The following MINDY4 variants were observed in gnomAD, a reference collection of about 807,000 sequenced individuals.
MINDY4 encodes MINDY lysine 48 deubiquitinase 4.
MINDY4 carries 68 observed loss-of-function variants against 87.0 expected under a neutral mutation model. The observed-to-expected ratio is 0.78, with a 90% CI of 0.64 to 0.96. The LOEUF is 0.96. Among genes scored for constraint, MINDY4 ranks in the 40% least tolerant of loss-of-function variants. The probability of loss-of-function intolerance (pLI) is 0.00; values close to 1 mark genes in which losing one functional copy is unlikely to be tolerated. For synonymous variants in MINDY4, 379 were observed against 363.2 expected (o/e 1.04, Z -0.50); for missense variants, 919 against 928.2 (o/e 0.99, Z 0.13).
intron 5 of MINDY4, among the ~76,000 whole-genome samples, chr7:30,821,947 T>C (rs1243112313): frequency 6.6e-6 from 1 of 152,164 alleles, no homozygotes; most frequent in Non-Finnish European, 1.5e-5. Flanking sequence ...AATTCAGCAA[T>C]TGGTATGATT....
At chr7:30,822,708 C>T (rs1039627035) in intron 5 of MINDY4, among the ~76,000 whole-genome samples, 1 of 151,706 alleles carries the variant, frequency 6.6e-6, no homozygotes, top group South Asian at 2.1e-4. Flanking sequence ...GACCACAGCT[C>T]ACTGCAGTCT....
At chr7:30,819,674 G>A (rs903525581) in intron 5 of MINDY4, among the ~76,000 whole-genome samples, 2 of 152,076 alleles carry the variant, frequency 1.3e-5, no homozygotes, top group Admixed American at 1.3e-4. Flanking sequence ...TAGGAGCATA[G>A]AGTTTCATGA....
chr7:30,850,630 T>C (rs1475858839), intron 10 of MINDY4, 75 bp downstream of exon 10: 40 of 1,352,238 alleles, frequency 3.0e-5, no homozygotes, highest in African/African-American at 4.4e-5. Flanking sequence ...CTGTGTATGC[T>C]CCTATCCTTG....
rs373920173 is a variant in MINDY4 at position 30,839,222 on chromosome 7, G to C, written c.1262G>C (p.Gly421Ala). The change falls in exon 8 of 18, where the codon GGT becomes GCT. Residue 421 changes from glycine (G) to alanine (A), a missense_variant. Physicochemically the swap from Gly to Ala is moderately conservative, Grantham distance 60 (BLOSUM62 0). Transcript: ENST00000265299. ...TAGGAAATAAAGACCCTTCTGTTTGGTTCCAGCTTTTGCTGTTTCAATGAA... is the reference window on the plus strand; with the variant it reads ...TAGGAAATAAAGACCCTTCTGTTTGCTTCCAGCTTTTGCTGTTTCAATGAA... ...VAKEIKTLLFGSSFCCFNEEW... is the reference protein window; with the variant it reads ...VAKEIKTLLFASSFCCFNEEW... The C allele has an allele frequency of 2.9e-5, 46 of 1,608,736 alleles. No individual in the cohort carries two copies. Among genetic ancestry groups the C allele is most frequent in the Non-Finnish European group, 3.8e-5 (45 of 1,178,406 alleles).
chr7:30,805,480 C>T (rs1787775489), intron 5 of MINDY4, among the ~76,000 whole-genome samples: 2 of 152,154 alleles, frequency 1.3e-5, no homozygotes, highest in Admixed American at 1.3e-4. Context: ...GTGGACATTG[C>T]CAAGGTCAGT....
chr7:30,857,258 G>A (rs537004524), intron 12 of MINDY4, among the ~76,000 whole-genome samples: 1 of 152,236 alleles, frequency 6.6e-6, no homozygotes, highest in African/African-American at 2.4e-5. Context: ...TTAGGTTTCT[G>A]TTCAGACATC....
At chr7:30,825,892 T>C (rs765829198) in intron 5 of MINDY4, among the ~76,000 whole-genome samples, 3 of 152,238 alleles carry the variant, frequency 2.0e-5, no homozygotes, top group Non-Finnish European at 4.4e-5. Context: ...AGGGCTGAAT[T>C]TCCACTGAGC....
intron 13 of MINDY4, among the ~76,000 whole-genome samples, chr7:30,865,970 A>G (rs1004159717): frequency 1.3e-5 from 2 of 152,204 alleles, no homozygotes; most frequent in African/African-American, 2.4e-5. Context: ...GTGCTTGACT[A>G]CCTGCTGTCC....
chr7:30,852,587 T>C (rs979879854), intron 11 of MINDY4, among the ~76,000 whole-genome samples: 1 of 150,576 alleles, frequency 6.6e-6, no homozygotes, highest in African/African-American at 2.4e-5. Flanking sequence ...TCTTCCTCTT[T>C]CTTTAGCATC....
chr7:30,853,029 A>G (rs1031882892), intron 11 of MINDY4, among the ~76,000 whole-genome samples: 2 of 152,088 alleles, frequency 1.3e-5, no homozygotes, highest in Non-Finnish European at 2.9e-5. Flanking sequence ...GGCTATTGTG[A>G]TTTGGATATG....
intron 17 of MINDY4, 35 bp downstream of exon 17, chr7:30,883,028 C>T (rs1340933489): frequency 4.4e-6 from 7 of 1,603,422 alleles, no homozygotes; most frequent in South Asian, 1.1e-5. Flanking sequence ...TGAGCCTCAC[C>T]CTGAATAGCT....
chr7:30,852,459 C>T (rs1789441721), intron 11 of MINDY4, 180 bp downstream of exon 11: 1 of 743,970 alleles, frequency 1.3e-6, no homozygotes, highest in Non-Finnish European at 1.6e-6. Flanking sequence ...GGATGGGCTC[C>T]TGCTAGAGCT....
chr7:30,863,355 G>A (rs1789826346), intron 13 of MINDY4, among the ~76,000 whole-genome samples: 1 of 152,230 alleles, frequency 6.6e-6, no homozygotes. Flanking sequence ...TCGTGGTGGT[G>A]TGATAGTGTG....
chr7:30,870,479 G>A (rs1177286516), intron 13 of MINDY4, among the ~76,000 whole-genome samples: 2 of 152,226 alleles, frequency 1.3e-5, no homozygotes. Flanking sequence ...TGTGGTGGGT[G>A]AGCCTCAACC....
intron 1 of MINDY4, among the ~76,000 whole-genome samples, chr7:30,772,394 A>G (rs1786672335): frequency 6.6e-6 from 1 of 152,220 alleles, no homozygotes; most frequent in African/African-American, 2.4e-5. Flanking sequence ...GACAATTCAA[A>G]TATTTGCTAC....
rs1316163832 is a variant in MINDY4, at chr7:30,791,182, C to G, written c.681C>G (p.His227Gln). 2 of 1,611,030 alleles carry G rather than the reference C, an allele frequency of 1.2e-6. No homozygotes were observed. Among genetic ancestry groups the G allele is most frequent in the Non-Finnish European group, 1.7e-6 (2 of 1,177,804 alleles). Residue 227 changes from histidine (H) to glutamine (Q), a missense_variant, in exon 5 of 18, where the codon CAC (histidine) becomes CAG (glutamine). By Grantham distance (24) the His-to-Gln change is conservative (BLOSUM62 0). Transcript: ENST00000265299. ...CCCTTTAGGATTCTTTTCACAGACA[C>G]TATCTGAGACGGTCCTCACCGTCAA... ...ASSPQDSFHRHYLRRSSPSSS... is the reference protein window; with the variant it reads ...ASSPQDSFHRQYLRRSSPSSS...
chr7:30,811,994 T>C (rs914629832), intron 5 of MINDY4, among the ~76,000 whole-genome samples: 4 of 152,180 alleles, frequency 2.6e-5, no homozygotes, highest in African/African-American at 7.2e-5. Flanking sequence ...CCATTTAATG[T>C]TTAATAAAGA....
intron 5 of MINDY4, among the ~76,000 whole-genome samples, chr7:30,811,801 G>T (rs1375223917): frequency 1.3e-5 from 2 of 152,086 alleles, no homozygotes; most frequent in African/African-American, 4.8e-5. Flanking sequence ...TTGCTCAATC[G>T]ATCACGACCC....
At chr7:30,851,145 G>C (rs1789402214) in intron 10 of MINDY4, among the ~76,000 whole-genome samples, 1 of 152,258 alleles carries the variant, frequency 6.6e-6, no homozygotes, top group South Asian at 2.1e-4. Flanking sequence ...TGATCCGTCA[G>C]AGTGGAAGCA....
Sources: allele counts gnomAD v4.1 joint callset (sites outside exome capture counted in the v4.1 genomes callset), GRCh38; gene constraint gnomAD v4.1.1; transcripts MANE v1.5; gene names NCBI Gene and HGNC (gene_info 2026-07-23, HGNC 2026-07-21).